The following ZNF676 variants were observed in gnomAD, a reference collection of about 807,000 sequenced individuals.
ZNF676 encodes the protein zinc finger protein 676.
In ZNF676, 4 loss-of-function variants were observed where a neutral mutation model predicts 6.0. The observed-to-expected ratio is 0.67, with a 90% CI of 0.33 to 1.53. The LOEUF (loss-of-function observed/expected upper bound fraction) is 1.53, where lower values mean the gene tolerates loss of function less well. Ranked by LOEUF, ZNF676 falls within the 40% of genes most tolerant of loss-of-function variation. The pLI is 0.06. For synonymous variants in ZNF676, 198 were observed against 223.1 expected (o/e 0.89, Z 1.00); for missense variants, 644 against 679.7 (o/e 0.95, Z 0.58).
At chr19:22,187,727 G>C (rs1055091786) in intron 2 of ZNF676, among the ~76,000 whole-genome samples, 1 of 151,370 alleles carries the variant, frequency 6.6e-6, no homozygotes, top group Non-Finnish European at 1.5e-5. Context: ...TACCATGAGA[G>C]AATACTATAA....
chr19:22,215,404 G>A (rs1427306574), intron 1 of ZNF676, among the ~76,000 whole-genome samples: 1 of 152,172 alleles, frequency 6.6e-6, no homozygotes, highest in African/African-American at 2.4e-5. Flanking sequence ...GTGCAGAGCT[G>A]CCCCAAGAGG....
chr19:22,225,983 G>A, the ZNF676 span, among the ~76,000 whole-genome samples: 204 of 151,814 alleles, frequency 1.3e-3, 1 homozygote, highest in African/African-American at 4.8e-3. Flanking sequence ...TTGCTTATGC[G>A]TTTAATGTCA....
At chr19:22,249,602 G>T in the ZNF676 span, among the ~76,000 whole-genome samples, 1 of 151,868 alleles carries the variant, frequency 6.6e-6, no homozygotes, top group Non-Finnish European at 1.5e-5. Context: ...AGTAGAGACG[G>T]GGTTTCTCCA....
chr19:22,234,263 C>T, the ZNF676 span, among the ~76,000 whole-genome samples: 621 of 152,306 alleles, frequency 4.1e-3, 4 homozygotes, highest in African/African-American at 0.014. Flanking sequence ...GTCTTTTCTT[C>T]CTCTGTCAAA....
chr19:22,192,563 A>G (rs149325871), intron 2 of ZNF676, among the ~76,000 whole-genome samples: 2,662 of 152,226 alleles, frequency 0.017, 49 homozygotes, highest in African/African-American at 0.039. Flanking sequence ...TTTCAAGACT[A>G]TAGTAATAAA....
the ZNF676 span, chr19:22,244,763 T>G: frequency 0.25 from 37,713 of 152,196 alleles, 5,373 homozygotes; most frequent in South Asian, 0.44. Flanking sequence ...TGGTGATAGA[T>G]GCAGACATAT....
chr19:22,240,510 T>C, the ZNF676 span, among the ~76,000 whole-genome samples: 1 of 151,852 alleles, frequency 6.6e-6, no homozygotes, highest in Non-Finnish European at 1.5e-5. Flanking sequence ...AAGAGAAGCG[T>C]TGGCTGGGCA....
chr19:22,179,771 A>G lies in ZNF676; in HGVS notation c.*179T>C, dbSNP rs899119140. On this transcript the variant is annotated 3_prime_UTR_variant, in exon 3 of 3. Coordinates refer to ENST00000397121, the MANE Select transcript of ZNF676 (RefSeq NM_001001411.3). ...GAGGACCGGTTGAAGCCTTTGTCACATTCTTCACGTTTGTAGTGTTTCTCT... is the reference window on the plus strand; with the variant it reads ...GAGGACCGGTTGAAGCCTTTGTCACGTTCTTCACGTTTGTAGTGTTTCTCT... The G allele has an allele frequency of 7.2e-6, 6 of 833,346 alleles. No homozygotes were observed. Among genetic ancestry groups the G allele is most frequent in the Non-Finnish European group, 1.2e-5 (6 of 493,818 alleles). The allele number at this position is 833,346 out of a possible 1,614,324, so 51.6% of individuals were successfully genotyped here. A position where few individuals can be genotyped will look rare whatever the true frequency, so the allele number is the denominator to read the frequency against.
the ZNF676 span, among the ~76,000 whole-genome samples, chr19:22,252,460 T>C: frequency 8.3e-5 from 12 of 144,344 alleles, no homozygotes; most frequent in African/African-American, 3.1e-4. Flanking sequence ...AAGAGTCAAA[T>C]CACCTAGGCG....
At chr19:22,190,330 C>T (rs1411062320) in intron 2 of ZNF676, among the ~76,000 whole-genome samples, 25 of 151,738 alleles carry the variant, frequency 1.6e-4, no homozygotes, top group Admixed American at 1.4e-3. Flanking sequence ...CACTCGAGCA[C>T]GCTCTTATGC....
At chr19:22,215,796 G>GCC, upstream of ZNF676, 1 of 664,604 alleles carries the variant, frequency 1.5e-6, no homozygotes, top group Non-Finnish European at 2.2e-6. Flanking sequence ...AAGCCGACCT[G>GCC]TCCCCCCCCC....
chr19:22,253,734 G>A, the ZNF676 span, among the ~76,000 whole-genome samples: 8 of 151,928 alleles, frequency 5.3e-5, no homozygotes, highest in African/African-American at 1.9e-4. Context: ...TGTGGGCTGT[G>A]TCAATGTGTG....
At chr19:22,212,868 G>C (rs1413644858) in intron 1 of ZNF676, among the ~76,000 whole-genome samples, 1 of 150,678 alleles carries the variant, frequency 6.6e-6, no homozygotes, top group Non-Finnish European at 1.5e-5. Context: ...GTGGGTGCAC[G>C]CCTGTAGTCC....
chr19:22,217,692 CTGTTTGTTTGTTTGTT>C (rs112661841), upstream of ZNF676, among the ~76,000 whole-genome samples: 3 of 147,578 alleles, frequency 2.0e-5, no homozygotes, highest in Non-Finnish European at 4.5e-5. Context: ...ATGGTCTTTT[CTGTTTGTTTGTTTGTT>C]TGTTTGTTTG....
At chr19:22,210,817 C>G (rs546053044) in intron 1 of ZNF676, among the ~76,000 whole-genome samples, 12 of 152,300 alleles carry the variant, frequency 7.9e-5, no homozygotes, top group African/African-American at 2.9e-4. Flanking sequence ...GGCTCCTGAA[C>G]TCTGAGCTAC....
intron 1 of ZNF676, among the ~76,000 whole-genome samples, chr19:22,204,373 T>C (rs1335862594): frequency 6.6e-6 from 1 of 152,180 alleles, no homozygotes; most frequent in East Asian, 1.9e-4. Flanking sequence ...ATTTCAAAAG[T>C]ATGAATAACA....
At chr19:22,215,083 A>G (rs1349270780) in intron 1 of ZNF676, among the ~76,000 whole-genome samples, 1 of 151,590 alleles carries the variant, frequency 6.6e-6, no homozygotes, top group Non-Finnish European at 1.5e-5. Context: ...AGGAAACTAC[A>G]TAACTGTACC....
upstream of ZNF676, among the ~76,000 whole-genome samples, chr19:22,217,273 G>T (rs985651817): frequency 6.6e-6 from 1 of 152,090 alleles, no homozygotes; most frequent in Non-Finnish European, 1.5e-5. Flanking sequence ...CGCGATCTCA[G>T]CTCACCGCAA....
chr19:22,249,668 TC>T, the ZNF676 span, among the ~76,000 whole-genome samples: 3 of 152,034 alleles, frequency 2.0e-5, no homozygotes, highest in African/African-American at 7.2e-5. Context: ...AGCCTTGGCC[TC>T]CCAAAGTGTT....
Sources: gnomAD v4.1 joint callset for allele counts (sites outside exome capture counted in the v4.1 genomes callset) on GRCh38, gnomAD v4.1.1 for gene constraint, MANE v1.5 for transcripts, NCBI Gene and HGNC (gene_info 2026-07-23, HGNC 2026-07-21) for gene names.